Variants in KCTD10 observed in about 807,000 individuals in gnomAD.
KCTD10 encodes the protein potassium channel tetramerization domain containing 10.
In KCTD10, 13 loss-of-function variants were observed where a neutral mutation model predicts 34.6. The ratio of observed to expected loss-of-function variants is 0.38; its 90% CI spans 0.24 to 0.60. The LOEUF (loss-of-function observed/expected upper bound fraction) is 0.60. KCTD10 is among the 20% of genes least tolerant of loss of function. The probability of loss-of-function intolerance (pLI) is 0.66; values close to 1 mark genes in which losing one functional copy is unlikely to be tolerated. For missense variants in KCTD10, 256 were observed against 420.3 expected, an observed-to-expected ratio of 0.61 and a Z score of 3.42; for synonymous variants, 156 against 168.8, an observed-to-expected ratio of 0.92 and a Z score of 0.59.
At position 109,448,684 on chromosome 12, in the gene KCTD10, G is replaced by A. The variant is rs746290732; in HGVS notation, c.*2911C>T. ...TTTTATGACTTTTATTTTACATGTC[G>A]CCAACGTTTGTACAACATACAGTGG... On this transcript the variant is annotated 3_prime_UTR_variant, in exon 7 of 7. Coordinates refer to ENST00000228495, the MANE Select transcript of KCTD10 (RefSeq NM_031954.5). 1.3e-5 allele frequency: 2 copies of A among 152,192 alleles called. No individual in the cohort carries two copies. Among genetic ancestry groups the A allele is most frequent in the Non-Finnish European group, 2.9e-5 (2 of 68,036 alleles). 9.4% of individuals were successfully genotyped at this position (152,192 alleles called of 1,614,324 possible).
chr12:109,460,756 G>A lies in KCTD10; in HGVS notation c.267C>T (p.Asn89=), dbSNP rs1325126074. ...RCGKHFGTIL[N]YLRDGAVPLP... ...AAGGCACCGCCCCGTCTCGAAGGTA[G>A]TTGAGTATCGTACCAAAGTGCTTCC... is the stretch of plus-strand genomic sequence containing the variant. Residue 89 remains asparagine (N), a synonymous_variant, in exon 3 of 7, where the codon AAC becomes AAT. Transcript: ENST00000228495. The surrounding 1 kb of genome is among the most constrained non-coding windows in gnomAD (Gnocchi z 4.5). 1 of 1,614,218 alleles carries A rather than the reference G, an allele frequency of 6.2e-7. No individual in the cohort carries two copies. The highest frequency in any genetic ancestry group is 2.2e-5 in the East Asian group (1 of 44,870).
intron 2 of KCTD10, among the ~76,000 whole-genome samples, chr12:109,463,097 T>C (rs1873418557): frequency 6.6e-6 from 1 of 152,124 alleles, no homozygotes; most frequent in Non-Finnish European, 1.5e-5. Flanking sequence ...AAGGCACTCA[T>C]AGGAAAACTC....
chr12:109,473,859 G>A (rs776366346), intron 1 of KCTD10, among the ~76,000 whole-genome samples: 1 of 148,818 alleles, frequency 6.7e-6, no homozygotes, highest in Non-Finnish European at 1.5e-5. Context: ...TCAGCTCACC[G>A]CAACGTCTGC....
chr12:109,477,221 C>T (rs760563449), intron 1 of KCTD10, 39 bp downstream of exon 1: 42 of 1,612,164 alleles, frequency 2.6e-5, no homozygotes, highest in Non-Finnish European at 3.5e-5. Flanking sequence ...CTCCCTCGGC[C>T]GCCCTCAACC....
At chr12:109,452,854 T>TTTTTTTTTTA (rs1228946105) in intron 6 of KCTD10, among the ~76,000 whole-genome samples, 45 of 151,250 alleles carry the variant, frequency 3.0e-4, no homozygotes, top group African/African-American at 1.0e-3. Context: ...CCTTTTTTTT[T>TTTTTTTTTTA]AAAAGATATG....
At chr12:109,469,397 C>G in intron 2 of KCTD10, 118 bp downstream of exon 2, 1 of 1,223,724 alleles carries the variant, frequency 8.2e-7, no homozygotes, top group South Asian at 1.5e-5. Flanking sequence ...GGTGGGAGTC[C>G]CCAACAAGCT....
chr12:109,456,574 TG>T (rs1349427993), intron 5 of KCTD10: 28 of 491,604 alleles, frequency 5.7e-5, no homozygotes, highest in Non-Finnish European at 9.7e-5. Context: ...CCCCTAAGCC[TG>T]AGTGCTCCTA....
At chr12:109,466,150 T>C (rs755556608) in intron 2 of KCTD10, among the ~76,000 whole-genome samples, 2 of 152,058 alleles carry the variant, frequency 1.3e-5, no homozygotes, top group Non-Finnish European at 2.9e-5. Context: ...AGAAAAGCCA[T>C]CCCTTGGGGG....
chr12:109,452,323 T>G (rs1244853836), intron 6 of KCTD10, among the ~76,000 whole-genome samples: 1 of 152,238 alleles, frequency 6.6e-6, no homozygotes, highest in Non-Finnish European at 1.5e-5. Flanking sequence ...ACAGAAGTCC[T>G]TCCACACCTT....
rs1384657818 is a variant in KCTD10, at chr12:109,449,000, TGAAA to T, written c.*2591_*2594del. The T allele has an allele frequency of 6.8e-6, 1 of 146,118 alleles. No individual in the cohort carries two copies. The highest frequency in any genetic ancestry group is 1.5e-5 in the Non-Finnish European group (1 of 68,038). 9.1% of individuals were successfully genotyped at this position (146,118 alleles called of 1,614,324 possible). A position where few individuals can be genotyped will look rare whatever the true frequency, so the allele number is the denominator to read the frequency against. On this transcript the variant is annotated 3_prime_UTR_variant, in exon 7 of 7. Coordinates refer to ENST00000228495, the MANE Select transcript of KCTD10 (RefSeq NM_031954.5). ...AGTCACCACAATCAGATGGCTTATTTGAAACAAACAAACAAAAAAAACCCTTGAT... is the reference window on the plus strand; with the variant it reads ...AGTCACCACAATCAGATGGCTTATTTCAAACAAACAAAAAAAACCCTTGAT...
At chr12:109,468,085 C>T (rs1873680909) in intron 2 of KCTD10, among the ~76,000 whole-genome samples, 1 of 152,158 alleles carries the variant, frequency 6.6e-6, no homozygotes, top group East Asian at 1.9e-4. Context: ...CACAGATACT[C>T]TCGGGCCATG....
At chr12:109,470,391 C>T (rs528716589) in intron 1 of KCTD10, 1 of 985,458 alleles carries the variant, frequency 1.0e-6, no homozygotes, top group African/African-American at 1.7e-5. Flanking sequence ...CTAGTGCTGC[C>T]CAAAAGAGCA....
At chr12:109,462,780 T>C (rs1171685797) in intron 2 of KCTD10, among the ~76,000 whole-genome samples, 5 of 152,182 alleles carry the variant, frequency 3.3e-5, no homozygotes, top group Non-Finnish European at 1.5e-5. Context: ...AATTCCCTGA[T>C]TTTTAAAGGA....
chr12:109,474,736 C>A (rs966704936), intron 1 of KCTD10, among the ~76,000 whole-genome samples: 4 of 152,166 alleles, frequency 2.6e-5, no homozygotes, highest in Non-Finnish European at 5.9e-5. Context: ...TTCACAGCTT[C>A]AGAGCCACAG....
At chr12:109,474,937 C>T (rs940667696) in intron 1 of KCTD10, among the ~76,000 whole-genome samples, 1 of 152,144 alleles carries the variant, frequency 6.6e-6, no homozygotes, top group South Asian at 2.1e-4. Context: ...GGGATAGTCT[C>T]GGCAAACCTG....
At chr12:109,453,356 T>C (rs1872869626) in intron 6 of KCTD10, among the ~76,000 whole-genome samples, 1 of 151,990 alleles carries the variant, frequency 6.6e-6, no homozygotes, top group Non-Finnish European at 1.5e-5. Flanking sequence ...TGCCCAGCTA[T>C]TTTTTAAAAA....
rs983712698 is a variant in KCTD10, at chr12:109,451,976, C to A, written c.724-163G>T. 2.0e-5 allele frequency among the ~76,000 whole-genome samples: 3 copies of A among 152,250 alleles called. No individual in the cohort carries two copies. The highest frequency in any genetic ancestry group is 4.4e-5 in the Non-Finnish European group (3 of 68,046). ...CTGATATTTTCAATGGCAACACTTA[C>A]ATGTGGTGCTAAATGCACAGAAAAT... On this transcript the variant is annotated intron_variant, in intron 6 of 6. Transcript: ENST00000228495. The surrounding 1 kb of genome is among the most constrained non-coding windows in gnomAD (Gnocchi z 5.0).
At chr12:109,463,185 T>C (rs1250433504) in intron 2 of KCTD10, among the ~76,000 whole-genome samples, 2 of 152,204 alleles carry the variant, frequency 1.3e-5, no homozygotes, top group East Asian at 3.9e-4. Context: ...CTGCCTTTGA[T>C]GTCTGCAGAA....
At chr12:109,461,314 G>A (rs1039674866) in intron 2 of KCTD10, among the ~76,000 whole-genome samples, 3 of 152,214 alleles carry the variant, frequency 2.0e-5, no homozygotes, top group African/African-American at 7.2e-5. Flanking sequence ...TCCCAAGGCT[G>A]AGCCCTAGAC....
Sources: gnomAD v4.1 joint callset for allele counts (sites outside exome capture counted in the v4.1 genomes callset) on GRCh38, gnomAD v4.1.1 for gene constraint, Gnocchi (gnomAD v3.1) non-coding constraint, MANE v1.5 for transcripts, NCBI Gene and HGNC (gene_info 2026-07-23, HGNC 2026-07-21) for gene names.